The following CAMK2D variants were observed in gnomAD, a reference collection of about 807,000 sequenced individuals.
CAMK2D encodes calcium/calmodulin dependent protein kinase II delta.
Under a neutral mutation model 84.0 loss-of-function variants are expected in CAMK2D, and 37 were observed. That is an observed-to-expected ratio of 0.44 (90% CI 0.34 to 0.58). The LOEUF is 0.58. Ranked by LOEUF, CAMK2D falls within the 20% of genes least tolerant of loss-of-function variation. CAMK2D has a pLI of 0.02. For missense variants in CAMK2D, 448 were observed against 652.5 expected (o/e 0.69, Z 3.41); for synonymous variants, 202 against 212.5 (o/e 0.95, Z 0.43).
At chr4:113,592,116 G>T (rs2098891074) in intron 4 of CAMK2D, among the ~76,000 whole-genome samples, 1 of 152,098 alleles carries the variant, frequency 6.6e-6, no homozygotes, top group African/African-American at 2.4e-5. Flanking sequence ...AGCTGAGGGG[G>T]GTTGGTGGTT....
At chr4:113,463,733 C>T (rs570541298) in intron 17 of CAMK2D, among the ~76,000 whole-genome samples, 6 of 152,220 alleles carry the variant, frequency 3.9e-5, no homozygotes, top group African/African-American at 1.4e-4. Context: ...CTTTTAAGTC[C>T]TGCTTAATTT....
intron 18 of CAMK2D, among the ~76,000 whole-genome samples, chr4:113,457,855 A>C (rs2097323594): frequency 6.6e-6 from 1 of 152,174 alleles, no homozygotes; most frequent in African/African-American, 2.4e-5. Flanking sequence ...TTTACAATGG[A>C]AAGTGGTTAG....
intron 18 of CAMK2D, among the ~76,000 whole-genome samples, 163 bp from the exon 19 acceptor site, chr4:113,457,726 T>C (rs1213765932): frequency 1.3e-5 from 2 of 152,198 alleles, no homozygotes; most frequent in Non-Finnish European, 2.9e-5. Context: ...CTGGGCACTG[T>C]ACAAAGCAAA....
intron 2 of CAMK2D, among the ~76,000 whole-genome samples, chr4:113,699,904 G>A (rs1171535568): frequency 6.6e-6 from 1 of 152,048 alleles, no homozygotes; most frequent in African/African-American, 2.4e-5. Context: ...ATGTTCCTTA[G>A]GAATTATGAG....
chr4:113,677,820 A>C (rs942653033), intron 2 of CAMK2D, among the ~76,000 whole-genome samples: 1 of 152,160 alleles, frequency 6.6e-6, no homozygotes, highest in African/African-American at 2.4e-5. Flanking sequence ...ACAGAGGAAA[A>C]AAATGGCTTT....
intron 16 of CAMK2D, among the ~76,000 whole-genome samples, chr4:113,493,561 T>C (rs1357088790): frequency 5.3e-5 from 8 of 152,276 alleles, no homozygotes; most frequent in African/African-American, 1.9e-4. Context: ...CCTTTCTCTC[T>C]GGCTGCCCTT....
At chr4:113,487,175 G>C (rs745968359) in intron 16 of CAMK2D, among the ~76,000 whole-genome samples, 10 of 152,050 alleles carry the variant, frequency 6.6e-5, no homozygotes, top group Non-Finnish European at 8.8e-5. Context: ...ATATTAGCTT[G>C]AGATAAAATC....
chr4:113,664,439 A>T (rs1418115565), intron 2 of CAMK2D, among the ~76,000 whole-genome samples: 2 of 152,158 alleles, frequency 1.3e-5, no homozygotes, highest in Admixed American at 1.3e-4. Flanking sequence ...TCTCATCTGA[A>T]ATCTTGACTG....
At chr4:113,588,249 G>T (rs182747781) in intron 4 of CAMK2D, among the ~76,000 whole-genome samples, 1 of 152,110 alleles carries the variant, frequency 6.6e-6, no homozygotes, top group East Asian at 1.9e-4. Context: ...CCGGGTAATT[G>T]AATATCCTAC....
chr4:113,488,455 ACT>A (rs1427919750), intron 16 of CAMK2D, among the ~76,000 whole-genome samples: 1 of 152,094 alleles, frequency 6.6e-6, no homozygotes, highest in East Asian at 1.9e-4. Flanking sequence ...GATATAAATA[ACT>A]CTCACATGCT....
In CAMK2D at chr4:113,451,280, G is replaced by A. The variant is rs183138985; in HGVS notation, c.*3265C>T. ...ACATTTGAGTCCGAGTATATCCTCA[G>A]CATTAACAGTAAACCTACATAAAGA... On this transcript the variant is annotated 3_prime_UTR_variant, in exon 21 of 21. Coordinates refer to ENST00000511664, the MANE Select transcript of CAMK2D (RefSeq NM_001321571.2). 6.6e-6 allele frequency: 1 copy of A among 152,208 alleles called. No individual in the cohort carries two copies. Among genetic ancestry groups the A allele is most frequent in the East Asian group, 1.9e-4 (1 of 5,180 alleles). The allele number at this position is 152,208 out of a possible 1,614,324, so 9.4% of individuals were successfully genotyped here.
chr4:113,487,755 T>C (rs568266073), intron 16 of CAMK2D, among the ~76,000 whole-genome samples: 8 of 152,188 alleles, frequency 5.3e-5, no homozygotes, highest in African/African-American at 1.9e-4. Context: ...CAGTGTATTG[T>C]TTCTTTAAAC....
chr4:113,639,420 T>TG (rs2099123296), intron 3 of CAMK2D, among the ~76,000 whole-genome samples: 1 of 151,442 alleles, frequency 6.6e-6, no homozygotes, highest in Non-Finnish European at 1.5e-5. Flanking sequence ...TGGCTTTTTG[T>TG]GGGGGGAATA....
chr4:113,539,772 G>T (rs1438748366), intron 6 of CAMK2D, among the ~76,000 whole-genome samples: 1 of 151,902 alleles, frequency 6.6e-6, no homozygotes, highest in Admixed American at 6.6e-5. Context: ...CTGTGTAGAT[G>T]TAACAATTAA....
At chr4:113,491,505 G>T (rs2097843630) in intron 16 of CAMK2D, among the ~76,000 whole-genome samples, 1 of 151,754 alleles carries the variant, frequency 6.6e-6, no homozygotes, top group Non-Finnish European at 1.5e-5. Flanking sequence ...ACTTGATCAT[G>T]GTGGATAAGC....
At chr4:113,553,728 A>G (rs1233781286) in intron 4 of CAMK2D, among the ~76,000 whole-genome samples, 2 of 152,216 alleles carry the variant, frequency 1.3e-5, no homozygotes, top group African/African-American at 2.4e-5. Context: ...TCATATAGGC[A>G]TGTTCTAAAA....
intron 2 of CAMK2D, among the ~76,000 whole-genome samples, chr4:113,716,784 T>G (rs141767355): frequency 6.6e-6 from 1 of 151,866 alleles, no homozygotes; most frequent in Non-Finnish European, 1.5e-5. Flanking sequence ...CTTAGTGATA[T>G]AAAGGAGGAC....
intron 2 of CAMK2D, among the ~76,000 whole-genome samples, chr4:113,676,769 T>G (rs1224763138): frequency 6.6e-6 from 1 of 152,212 alleles, no homozygotes; most frequent in Non-Finnish European, 1.5e-5. Flanking sequence ...GTACAGACCT[T>G]GCTAAAATAG....
chr4:113,540,419 A>T (rs2098522509), intron 6 of CAMK2D, among the ~76,000 whole-genome samples: 1 of 152,140 alleles, frequency 6.6e-6, no homozygotes, highest in Non-Finnish European at 1.5e-5. Flanking sequence ...GAGATCAGAA[A>T]CCCAGGTCTT....
Sources: gnomAD v4.1 joint callset for allele counts (sites outside exome capture counted in the v4.1 genomes callset) on GRCh38, gnomAD v4.1.1 for gene constraint, MANE v1.5 for transcripts, NCBI Gene and HGNC (gene_info 2026-07-23, HGNC 2026-07-21) for gene names.